CSGALNACT1: variants seen among roughly 807,000 people sequenced by gnomAD.
The protein encoded by CSGALNACT1 is beta4GalNAcT-1.
In CSGALNACT1, 52 loss-of-function variants were observed where a neutral mutation model predicts 51.0. The observed-to-expected ratio is 1.02, with a 90% CI of 0.82 to 1.29. CSGALNACT1 has a LOEUF of 1.29. CSGALNACT1 is among the 50% of genes most tolerant of loss of function. The pLI is 0.00. For synonymous variants in CSGALNACT1, 341 were observed against 254.4 expected, an observed-to-expected ratio of 1.34 and a Z score of -3.24; for missense variants, 935 against 679.2, an observed-to-expected ratio of 1.38 and a Z score of -4.19.
At chr8:19,412,348 G>C (rs1013171499) in intron 8 of CSGALNACT1, among the ~76,000 whole-genome samples, 2 of 152,128 alleles carry the variant, frequency 1.3e-5, no homozygotes, top group Non-Finnish European at 2.9e-5. Flanking sequence ...TTTTCTATTA[G>C]GACCAAAACA....
At chr8:19,602,529 C>G (rs554637756), upstream of CSGALNACT1, 2 of 152,262 alleles carry the variant, frequency 1.3e-5, no homozygotes, top group African/African-American at 4.8e-5. Context: ...TGGAGCCTCC[C>G]GCTCCCCAGG....
At chr8:19,412,458 G>A (rs934149297) in intron 8 of CSGALNACT1, among the ~76,000 whole-genome samples, 10 of 152,200 alleles carry the variant, frequency 6.6e-5, no homozygotes, top group African/African-American at 2.4e-4. Context: ...CTGGTTTAAT[G>A]GTGCCGACTT....
chr8:19,502,203 A>C (rs1337426914), intron 4 of CSGALNACT1, among the ~76,000 whole-genome samples: 1 of 152,232 alleles, frequency 6.6e-6, no homozygotes, highest in Non-Finnish European at 1.5e-5. Flanking sequence ...GTCACCCGGC[A>C]GGCTGGATGG....
intron 1 of CSGALNACT1, among the ~76,000 whole-genome samples, chr8:19,751,683 G>C (rs141989910): frequency 0.01 from 1,574 of 152,276 alleles, 25 homozygotes; most frequent in African/African-American, 0.036. Context: ...GGAGGTGACT[G>C]AATCATAGCG....
At chr8:19,575,860 T>C (rs1402091350) in intron 3 of CSGALNACT1, among the ~76,000 whole-genome samples, 2 of 152,152 alleles carry the variant, frequency 1.3e-5, no homozygotes, top group Non-Finnish European at 2.9e-5. Context: ...TGAAGTTGAG[T>C]GATAGGTTCA....
intron 1 of CSGALNACT1, among the ~76,000 whole-genome samples, chr8:19,738,726 A>T (rs12056362): frequency 1.3e-5 from 2 of 151,970 alleles, no homozygotes; most frequent in Non-Finnish European, 2.9e-5. Flanking sequence ...GGGCTGGCCA[A>T]GCATCACTAA....
chr8:19,549,960 G>A (rs2087542534), intron 3 of CSGALNACT1, among the ~76,000 whole-genome samples: 1 of 151,930 alleles, frequency 6.6e-6, no homozygotes, highest in Admixed American at 6.6e-5. Flanking sequence ...AACATTTTTG[G>A]GAAATCTCTT....
chr8:19,556,733 C>T (rs17128631), intron 3 of CSGALNACT1, among the ~76,000 whole-genome samples: 1 of 151,936 alleles, frequency 6.6e-6, no homozygotes, highest in Non-Finnish European at 1.5e-5. Context: ...TGCCAACACC[C>T]AGAGCTTCCA....
At chr8:19,700,416 T>C (rs534752209) in intron 1 of CSGALNACT1, among the ~76,000 whole-genome samples, 6 of 152,310 alleles carry the variant, frequency 3.9e-5, no homozygotes, top group Non-Finnish European at 8.8e-5. Flanking sequence ...AAAATCAGGC[T>C]AATAGCCTTC....
intron 1 of CSGALNACT1, among the ~76,000 whole-genome samples, chr8:19,708,524 C>A (rs183383754): frequency 2.6e-5 from 4 of 152,334 alleles, no homozygotes; most frequent in African/African-American, 9.6e-5. Flanking sequence ...ATAGCTCCAA[C>A]TACTCAGCTA....
intron 3 of CSGALNACT1, among the ~76,000 whole-genome samples, chr8:19,559,499 A>G (rs765192281): frequency 1.2e-4 from 18 of 152,234 alleles, no homozygotes; most frequent in Admixed American, 3.3e-4. Context: ...GCATAAGTAA[A>G]TAAATGGTAC....
chr8:19,673,546 G>T (rs1447347895), intron 1 of CSGALNACT1, among the ~76,000 whole-genome samples: 1 of 152,202 alleles, frequency 6.6e-6, no homozygotes, highest in African/African-American at 2.4e-5. Flanking sequence ...CACCACAGGA[G>T]AAAAGAGTGA....
intron 1 of CSGALNACT1, among the ~76,000 whole-genome samples, chr8:19,650,692 G>A (rs1250164962): frequency 6.6e-6 from 1 of 152,156 alleles, no homozygotes; most frequent in East Asian, 1.9e-4. Flanking sequence ...GTGTGAGACT[G>A]AAACAACACG....
chr8:19,729,855 T>C (rs1282539270), intron 1 of CSGALNACT1, among the ~76,000 whole-genome samples: 6 of 152,020 alleles, frequency 3.9e-5, no homozygotes, highest in African/African-American at 1.4e-4. Context: ...CGGGGTCCCA[T>C]GAAGAAGTTC....
At chr8:19,419,337 G>T (rs915040364) in intron 7 of CSGALNACT1, among the ~76,000 whole-genome samples, 42 of 152,290 alleles carry the variant, frequency 2.8e-4, no homozygotes, top group African/African-American at 9.6e-4. Context: ...GAGAGTCCTG[G>T]TGCCCCAGCC....
intron 3 of CSGALNACT1, among the ~76,000 whole-genome samples, chr8:19,583,389 G>A (rs948845455): frequency 6.6e-6 from 1 of 152,114 alleles, no homozygotes; most frequent in Admixed American, 6.6e-5. Context: ...AGGTCTAAGG[G>A]TAACAAACTC....
At chr8:19,574,733 C>T (rs957333281) in intron 3 of CSGALNACT1, among the ~76,000 whole-genome samples, 1 of 152,036 alleles carries the variant, frequency 6.6e-6, no homozygotes, top group Non-Finnish European at 1.5e-5. Context: ...TCTAAAATCT[C>T]TTAAAATCCT....
exon 5 of CSGALNACT1, chr8:19,458,624 C>G (rs1424003273): frequency 1.2e-6 from 2 of 1,614,112 alleles, no homozygotes; most frequent in Non-Finnish European, 1.7e-6. Context: ...CCCTTTGTCC[C>G]TTTCTGTTCG....
chr8:19,514,489 ATATATATATATATATATATATACATG>A (rs1563839979), intron 3 of CSGALNACT1, among the ~76,000 whole-genome samples: 1 of 85,796 alleles, frequency 1.2e-5, no homozygotes, highest in East Asian at 2.2e-4. Context: ...ATATATATAT[ATATATATATATATATATATATACATG>A]TATCTATTTA....
Sources: allele counts gnomAD v4.1 joint callset (sites outside exome capture counted in the v4.1 genomes callset), GRCh38; gene constraint gnomAD v4.1.1; transcripts MANE v1.5; gene names NCBI Gene and HGNC (gene_info 2026-07-23, HGNC 2026-07-21).